Variants in LIN9 observed in about 807,000 individuals in gnomAD.
The protein encoded by LIN9 is protein lin-9 homolog.
In LIN9, 18 loss-of-function variants were observed where a neutral mutation model predicts 78.0. The observed-to-expected ratio is 0.23, with a 90% CI of 0.16 to 0.34. The LOEUF (loss-of-function observed/expected upper bound fraction) is 0.34, where lower values mean the gene tolerates loss of function less well. LIN9 is among the 10% of genes least tolerant of loss of function. The pLI, the probability that LIN9 is intolerant of heterozygous loss-of-function variation, is 1.00. For synonymous variants in LIN9, 192 were observed against 215.2 expected (o/e 0.89, Z 0.94); for missense variants, 451 against 644.1 (o/e 0.70, Z 3.25).
chr1:226,281,642 A>T (rs897064077), intron 6 of LIN9, among the ~76,000 whole-genome samples: 1 of 152,028 alleles, frequency 6.6e-6, no homozygotes, highest in African/African-American at 2.4e-5. Context: ...TCTTCTTGAC[A>T]TAAGAACCCA....
At chr1:226,282,750 G>C (rs1661147348) in intron 6 of LIN9, among the ~76,000 whole-genome samples, 1 of 152,162 alleles carries the variant, frequency 6.6e-6, no homozygotes, top group African/African-American at 2.4e-5. Context: ...GAACCTGGGA[G>C]GCAGAGGTTG....
intron 6 of LIN9, among the ~76,000 whole-genome samples, chr1:226,278,138 CTT>C (rs1660787284): frequency 6.6e-6 from 1 of 151,338 alleles, no homozygotes; most frequent in Non-Finnish European, 1.5e-5. Context: ...AGATTAAAAA[CTT>C]AAAATCAGCC....
At chr1:226,235,447 T>C (rs2102826034) in intron 12 of LIN9, among the ~76,000 whole-genome samples, 1 of 151,218 alleles carries the variant, frequency 6.6e-6, no homozygotes, top group South Asian at 2.1e-4. Context: ...ACAGTCAAAA[T>C]ATAAGTTGAG....
chr1:226,296,133 G>A (rs1219345146), intron 3 of LIN9, among the ~76,000 whole-genome samples, 187 bp from the exon 4 acceptor site: 2 of 152,200 alleles, frequency 1.3e-5, no homozygotes, highest in Non-Finnish European at 2.9e-5. Flanking sequence ...GCAGTAAGAT[G>A]TATTTATACA....
chr1:226,279,830 C>A (rs1167248107), intron 6 of LIN9, among the ~76,000 whole-genome samples: 1 of 149,560 alleles, frequency 6.7e-6, no homozygotes, highest in Non-Finnish European at 1.5e-5. Context: ...CAGTAAATTA[C>A]CTTTCATTTT....
intron 10 of LIN9, among the ~76,000 whole-genome samples, chr1:226,261,522 T>A (rs1659589797): frequency 6.6e-6 from 1 of 152,212 alleles, no homozygotes; most frequent in Non-Finnish European, 1.5e-5. Context: ...AAAAACACAG[T>A]ATCATTTACC....
upstream of LIN9, chr1:226,309,556 C>T: frequency 8.5e-7 from 1 of 1,180,434 alleles, no homozygotes. Flanking sequence ...GAGGCCCCGG[C>T]GGGGGGAAAG....
intron 7 of LIN9, 145 bp downstream of exon 7, chr1:226,277,629 AT>A: frequency 1.5e-6 from 1 of 685,278 alleles, no homozygotes; most frequent in Middle Eastern, 4.2e-4. Context: ...GAGTTGAGGG[AT>A]AGGGATAGGG....
chr1:226,252,402 A>G (rs1366421989), intron 10 of LIN9, among the ~76,000 whole-genome samples: 1 of 152,150 alleles, frequency 6.6e-6, no homozygotes, highest in South Asian at 2.1e-4. Flanking sequence ...TCAGCCAACC[A>G]AAAAACCTAA....
At chr1:226,278,559 C>A (rs1192317097) in intron 6 of LIN9, among the ~76,000 whole-genome samples, 1 of 152,164 alleles carries the variant, frequency 6.6e-6, no homozygotes, top group African/African-American at 2.4e-5. Flanking sequence ...CGTGGTGGCT[C>A]ATGCCTGTAA....
At chr1:226,277,974 CAT>C (rs1430486386) in intron 6 of LIN9, 42 bp from the exon 7 acceptor site, 10 of 1,469,074 alleles carry the variant, frequency 6.8e-6, no homozygotes, top group Non-Finnish European at 9.3e-6. Context: ...ATAACTACCC[CAT>C]ATAAAAACTT....
In LIN9 at chr1:226,309,158, C is replaced by A. The variant is rs867285849; in HGVS notation, c.-19G>T. On this transcript the variant is annotated 5_prime_UTR_variant, in exon 1 of 15. Coordinates refer to ENST00000681046, the MANE Select transcript of LIN9 (RefSeq NM_001366245.2). ...CCGCCATCTTGAACGAGCCGCGCCG[C>A]TTTTTCAAAGGCTGCCCGCCGCGGT... The A allele has an allele frequency of 5.0e-6, 7 of 1,390,976 alleles. No individual in the cohort carries two copies. Among genetic ancestry groups the A allele is most frequent in the Non-Finnish European group, 6.6e-6 (7 of 1,060,978 alleles). 86.2% of individuals were successfully genotyped at this position (1,390,976 alleles called of 1,614,324 possible). A position where few individuals can be genotyped will look rare whatever the true frequency, so the allele number is the denominator to read the frequency against.
At chr1:226,309,234 C>A, upstream of LIN9, 2 of 1,397,530 alleles carry the variant, frequency 1.4e-6, no homozygotes, top group South Asian at 1.6e-5. Context: ...ATGCGGAGCT[C>A]GCTGCCCGCG....
At chr1:226,259,834 C>A in intron 10 of LIN9, among the ~76,000 whole-genome samples, 1 of 150,688 alleles carries the variant, frequency 6.6e-6, no homozygotes. Flanking sequence ...GACTTAAAAT[C>A]AGTAATTTAA....
intron 11 of LIN9, 78 bp downstream of exon 11, chr1:226,250,761 T>C: frequency 1.4e-6 from 1 of 739,574 alleles, no homozygotes; most frequent in Non-Finnish European, 2.2e-6. Context: ...ATAGATATTT[T>C]TAAATCATTA....
Position 226,277,847 on chromosome 1 carries a change from C to T in LIN9, c.610G>A (p.Ala204Thr), listed in dbSNP as rs748797985. ...KIRLLQQRKV[A>T]DVSQFKDLPD... Reference sequence around the variant, plus strand: ...AGATCTTTGAATTGTGAAACATCTGCAACTTTCCTTTGTTGTAAGAGCCTT... The same window carrying T: ...AGATCTTTGAATTGTGAAACATCTGTAACTTTCCTTTGTTGTAAGAGCCTT... The change falls in exon 7 of 15, where the codon GCA (alanine) becomes ACA (threonine). Residue 204 changes from alanine to threonine, a missense_variant. Transcript: ENST00000681046. 2 of 1,613,780 alleles carry T rather than the reference C, an allele frequency of 1.2e-6. No individual in the cohort carries two copies. The highest frequency in any genetic ancestry group is 2.2e-5 in the South Asian group (2 of 91,068).
intron 10 of LIN9, among the ~76,000 whole-genome samples, chr1:226,258,002 C>A (rs544041915): frequency 6.6e-6 from 1 of 151,782 alleles, no homozygotes; most frequent in South Asian, 2.1e-4. Context: ...CTGGGGTACA[C>A]TGACACCCCA....
intron 4 of LIN9, among the ~76,000 whole-genome samples, chr1:226,293,585 T>G (rs1015500604): frequency 6.6e-6 from 1 of 151,258 alleles, no homozygotes; most frequent in Non-Finnish European, 1.5e-5. Flanking sequence ...AAATTTATTT[T>G]AATTTATTTT....
At chr1:226,282,657 C>T (rs941825716) in intron 6 of LIN9, among the ~76,000 whole-genome samples, 2 of 152,108 alleles carry the variant, frequency 1.3e-5, no homozygotes, top group Admixed American at 6.5e-5. Flanking sequence ...TCCGTCTCTA[C>T]TAAAAATACA....
Sources: gnomAD v4.1 joint callset for allele counts (sites outside exome capture counted in the v4.1 genomes callset) on GRCh38, gnomAD v4.1.1 for gene constraint, MANE v1.5 for transcripts, NCBI Gene and HGNC (gene_info 2026-07-23, HGNC 2026-07-21) for gene names.